Variants in CCDC91 observed in about 807,000 individuals in gnomAD.
CCDC91 encodes coiled-coil domain containing 91.
A neutral mutation model predicts 63.2 loss-of-function variants in CCDC91; 48 were observed. The observed-to-expected ratio is 0.76, with a 90% CI of 0.60 to 0.97. The LOEUF (loss-of-function observed/expected upper bound fraction) is 0.97, where lower values mean the gene tolerates loss of function less well. CCDC91 is among the 50% of genes least tolerant of loss of function. The pLI is 0.00. For missense variants in CCDC91, 500 were observed against 494.6 expected (o/e 1.01, Z -0.10); for synonymous variants, 167 against 165.8 (o/e 1.01, Z -0.06).
chr12:28,479,037 T>C (rs568353245), intron 11 of CCDC91, among the ~76,000 whole-genome samples: 1 of 152,228 alleles, frequency 6.6e-6, no homozygotes, highest in African/African-American at 2.4e-5. Flanking sequence ...AGTTCAACCA[T>C]CGTGGAAGAC....
At chr12:28,284,089 TG>T (rs955756089) in intron 3 of CCDC91, among the ~76,000 whole-genome samples, 3 of 152,210 alleles carry the variant, frequency 2.0e-5, no homozygotes, top group African/African-American at 7.2e-5. Flanking sequence ...TCTTTCTAAT[TG>T]TAAACATTCA....
chr12:28,519,970 C>T (rs1940430707), intron 12 of CCDC91, among the ~76,000 whole-genome samples: 2 of 152,096 alleles, frequency 1.3e-5, no homozygotes, highest in South Asian at 4.1e-4. Context: ...TCCAGTCTAT[C>T]ATTGATGGGC....
intron 12 of CCDC91, among the ~76,000 whole-genome samples, chr12:28,510,236 C>CGTGTGTGT (rs567113847): frequency 2.2e-5 from 3 of 135,944 alleles, no homozygotes; most frequent in African/African-American, 3.4e-5. Flanking sequence ...GTCAATAGGG[C>CGTGTGTGT]ATGTGTGTGT....
intron 11 of CCDC91, among the ~76,000 whole-genome samples, chr12:28,469,348 G>T (rs1291422471): frequency 3.3e-5 from 5 of 151,910 alleles, no homozygotes; most frequent in Non-Finnish European, 7.4e-5. Context: ...AGGTACAAAT[G>T]AAACTAAATG....
intron 11 of CCDC91, among the ~76,000 whole-genome samples, chr12:28,464,977 C>G (rs1950482012): frequency 6.6e-6 from 1 of 152,124 alleles, no homozygotes; most frequent in African/African-American, 2.4e-5. Flanking sequence ...AAGGGTGAGT[C>G]CCAGCCCAGG....
chr12:28,208,908 C>T (rs1261403758), intron 1 of CCDC91, among the ~76,000 whole-genome samples: 1 of 152,118 alleles, frequency 6.6e-6, no homozygotes, highest in Non-Finnish European at 1.5e-5. Context: ...TCACGCCATT[C>T]TCCTGCTTCA....
intron 12 of CCDC91, among the ~76,000 whole-genome samples, chr12:28,494,156 T>C (rs1952160050): frequency 6.6e-6 from 1 of 151,684 alleles, no homozygotes; most frequent in African/African-American, 2.4e-5. Context: ...ATTAGAACTT[T>C]TCACAGGCTC....
chr12:28,452,436 T>C (rs778076046), intron 10 of CCDC91, 42 bp from the exon 11 acceptor site: 3 of 1,032,512 alleles, frequency 2.9e-6, no homozygotes, highest in Admixed American at 5.1e-5. Flanking sequence ...GAAATTATTA[T>C]GCAGTCTTTC....
chr12:28,311,715 T>A (rs974838388), intron 6 of CCDC91, among the ~76,000 whole-genome samples: 41 of 152,124 alleles, frequency 2.7e-4, no homozygotes, highest in African/African-American at 7.9e-4. Flanking sequence ...TGTTTTTTTT[T>A]AAATTTTTTT....
intron 8 of CCDC91, among the ~76,000 whole-genome samples, chr12:28,433,428 G>A (rs1948735346): frequency 6.6e-6 from 1 of 151,672 alleles, no homozygotes; most frequent in Admixed American, 6.6e-5. Flanking sequence ...ATAGTTTTTT[G>A]CGTGTGGATG....
chr12:28,366,414 G>A (rs1468359594), intron 7 of CCDC91, among the ~76,000 whole-genome samples: 1 of 152,294 alleles, frequency 6.6e-6, no homozygotes, highest in Middle Eastern at 3.4e-3. Context: ...TAGTAAGACA[G>A]AAAACTATTA....
chr12:28,336,886 TTA>T (rs1942022887), intron 6 of CCDC91, among the ~76,000 whole-genome samples: 1 of 151,960 alleles, frequency 6.6e-6, no homozygotes, highest in Non-Finnish European at 1.5e-5. Context: ...TATTCAAACT[TTA>T]TATATTTATA....
intron 6 of CCDC91, among the ~76,000 whole-genome samples, chr12:28,328,842 C>A (rs992520585): frequency 6.6e-6 from 1 of 151,602 alleles, no homozygotes; most frequent in Non-Finnish European, 1.5e-5. Flanking sequence ...TGAACATAAT[C>A]TTTCTTTTTA....
chr12:28,353,456 A>T (rs146963636), intron 6 of CCDC91, among the ~76,000 whole-genome samples: 1 of 152,250 alleles, frequency 6.6e-6, no homozygotes, highest in African/African-American at 2.4e-5. Context: ...TCAGCTTTTC[A>T]TATGCCTTCC....
intron 5 of CCDC91, among the ~76,000 whole-genome samples, chr12:28,307,256 TCAACTTTTCC>T (rs1229310657): frequency 6.6e-6 from 1 of 152,032 alleles, no homozygotes; most frequent in Non-Finnish European, 1.5e-5. Flanking sequence ...TTTTGCGACA[TCAACTTTTCC>T]CTATGGGAAG....
intron 6 of CCDC91, among the ~76,000 whole-genome samples, chr12:28,312,808 A>C (rs1398926849): frequency 6.6e-6 from 1 of 151,986 alleles, no homozygotes; most frequent in African/African-American, 2.4e-5. Flanking sequence ...ATGGTTTTAT[A>C]AAGGGAAGTT....
intron 11 of CCDC91, among the ~76,000 whole-genome samples, chr12:28,473,605 T>G (rs1308020697): frequency 6.6e-6 from 1 of 152,142 alleles, no homozygotes; most frequent in East Asian, 1.9e-4. Context: ...TTCCTACCTA[T>G]AGTTGTTCCA....
At chr12:28,339,539 A>T (rs960437650) in intron 6 of CCDC91, among the ~76,000 whole-genome samples, 8 of 152,008 alleles carry the variant, frequency 5.3e-5, no homozygotes, top group Non-Finnish European at 1.0e-4. Flanking sequence ...GAAAAAAAAA[A>T]CAATAAAAAT....
At chr12:28,522,910 C>G (rs1275442051) in intron 12 of CCDC91, among the ~76,000 whole-genome samples, 1 of 152,128 alleles carries the variant, frequency 6.6e-6, no homozygotes, top group Admixed American at 6.6e-5. Flanking sequence ...ATCGTGAGTT[C>G]TAGTTTGATT....
Sources: allele counts gnomAD v4.1 joint callset (sites outside exome capture counted in the v4.1 genomes callset), GRCh38; gene constraint gnomAD v4.1.1; transcripts MANE v1.5; gene names NCBI Gene and HGNC (gene_info 2026-07-23, HGNC 2026-07-21).